Variants in SHOC1 observed in about 807,000 individuals in gnomAD.
SHOC1 encodes the protein shortage in chiasmata 1, also known as protein shortage in chiasmata 1 ortholog.
SHOC1 carries 136 observed loss-of-function variants against 179.2 expected under a neutral mutation model. The ratio of observed to expected loss-of-function variants is 0.76; its 90% CI spans 0.66 to 0.87. The LOEUF is 0.87. Among genes scored for constraint, SHOC1 ranks in the 40% least tolerant of loss-of-function variants. The pLI, the probability that SHOC1 is intolerant of heterozygous loss-of-function variation, is 0.00. For synonymous variants in SHOC1, 489 were observed against 586.6 expected, an observed-to-expected ratio of 0.83 and a Z score of 2.41; for missense variants, 1,538 against 1,700.8, an observed-to-expected ratio of 0.90 and a Z score of 1.68.
At chr9:111,703,284 A>G (rs901335540) in intron 22 of SHOC1, among the ~76,000 whole-genome samples, 4 of 152,178 alleles carry the variant, frequency 2.6e-5, no homozygotes, top group African/African-American at 9.7e-5. Context: ...ATATATAGCA[A>G]TATTTATACT....
At chr9:111,689,738 ATAT>A (rs1288715696) in intron 27 of SHOC1, among the ~76,000 whole-genome samples, 7 of 152,162 alleles carry the variant, frequency 4.6e-5, no homozygotes, top group African/African-American at 1.4e-4. Flanking sequence ...TTCTAAACTG[ATAT>A]TATTTTATAG....
At chr9:111,698,606 T>C (rs1206632532) in intron 24 of SHOC1, among the ~76,000 whole-genome samples, 1 of 152,116 alleles carries the variant, frequency 6.6e-6, no homozygotes, top group Non-Finnish European at 1.5e-5. Context: ...CCTTGTAGTA[T>C]AGTCTGAAGT....
intron 16 of SHOC1, among the ~76,000 whole-genome samples, chr9:111,715,245 G>C (rs1832731182): frequency 6.6e-6 from 1 of 152,114 alleles, no homozygotes; most frequent in Admixed American, 6.5e-5. Flanking sequence ...AATTTCACCA[G>C]AGTTACCACC....
chr9:111,765,415 T>G (rs1299812709), intron 5 of SHOC1, among the ~76,000 whole-genome samples: 1 of 151,798 alleles, frequency 6.6e-6, no homozygotes, highest in Non-Finnish European at 1.5e-5. Context: ...CTGGCCAACA[T>G]GGGGAAACCC....
At chr9:111,762,266 C>T (rs1322304614) in intron 5 of SHOC1, among the ~76,000 whole-genome samples, 3 of 147,666 alleles carry the variant, frequency 2.0e-5, no homozygotes, top group African/African-American at 7.5e-5. Flanking sequence ...CTTGTCTCTA[C>T]AAAAAAATTA....
intron 8 of SHOC1, among the ~76,000 whole-genome samples, 197 bp from the exon 9 acceptor site, chr9:111,748,396 C>T (rs994600408): frequency 5.9e-5 from 9 of 152,158 alleles, no homozygotes; most frequent in African/African-American, 2.2e-4. Context: ...CATGCACACT[C>T]CTTGTTGCCC....
chr9:111,701,673 G>A (rs993566541), intron 23 of SHOC1, among the ~76,000 whole-genome samples: 1 of 152,014 alleles, frequency 6.6e-6, no homozygotes, highest in African/African-American at 2.4e-5. Flanking sequence ...TTTCAGTTCT[G>A]GTAGAAGGGA....
intron 22 of SHOC1, among the ~76,000 whole-genome samples, chr9:111,702,981 G>A (rs890008582): frequency 3.3e-5 from 5 of 151,972 alleles, no homozygotes; most frequent in African/African-American, 9.7e-5. Flanking sequence ...GCAGTGGAGC[G>A]TGCCTGTAGT....
chr9:111,710,498 A>C (rs2131372181), intron 18 of SHOC1, among the ~76,000 whole-genome samples: 1 of 152,260 alleles, frequency 6.6e-6, no homozygotes, highest in East Asian at 1.9e-4. Context: ...TGGCACATTC[A>C]TTTGTTTAAT....
rs17343009 is a variant in SHOC1 at position 111,707,023 on chromosome 9, T to A, written c.2559-277A>T. ...AGACAGCCTGATTTTATTACCTGAG[T>A]ACTATCAATAAGAGAAATCAGCATG... On this transcript the variant is annotated intron_variant, in intron 19 of 27. Coordinates refer to ENST00000682961, the MANE Select transcript of SHOC1 (RefSeq NM_001378211.1). Among the ~76,000 whole-genome samples the A allele has an allele frequency of 0.074, 11,319 of 152,128 alleles. 615 individuals are homozygous for A. Among genetic ancestry groups the A allele is most frequent in the South Asian group, 0.2 (982 of 4,820 alleles).
intron 3 of SHOC1, 113 bp from the exon 4 acceptor site, chr9:111,781,130 G>T: frequency 2.8e-6 from 2 of 724,440 alleles, no homozygotes; most frequent in South Asian, 2.0e-5. Context: ...ATTCACAAAT[G>T]TATTTTTTCA....
At chr9:111,717,604 A>G (rs988992970) in intron 16 of SHOC1, among the ~76,000 whole-genome samples, 8 of 152,110 alleles carry the variant, frequency 5.3e-5, no homozygotes, top group African/African-American at 1.9e-4. Context: ...CAAAAAAAAA[A>G]AAAAAAAGTC....
chr9:111,733,412 C>G (rs1833678421), intron 12 of SHOC1, among the ~76,000 whole-genome samples: 1 of 152,102 alleles, frequency 6.6e-6, no homozygotes, highest in East Asian at 1.9e-4. Context: ...TTTGTAAGTC[C>G]TGGGAACTAC....
At chr9:111,728,995 A>C (rs892879170) in intron 12 of SHOC1, among the ~76,000 whole-genome samples, 1 of 152,242 alleles carries the variant, frequency 6.6e-6, no homozygotes, top group Non-Finnish European at 1.5e-5. Flanking sequence ...GTACAATAGC[A>C]TTATGTCTAA....
intron 8 of SHOC1, among the ~76,000 whole-genome samples, chr9:111,753,792 G>A (rs1300513840): frequency 6.6e-6 from 1 of 152,076 alleles, no homozygotes; most frequent in Non-Finnish European, 1.5e-5. Context: ...AAAAAATTAG[G>A]TATTGACAAA....
rs182249929 is a variant in SHOC1 at position 111,790,301 on chromosome 9, C to T, written c.45+1073G>A. Reference sequence around the variant, plus strand: ...GGCAAATTAACGGCAATTACTTTTGCACCACCCTAATATAATCCATCAGAA... The same window carrying T: ...GGCAAATTAACGGCAATTACTTTTGTACCACCCTAATATAATCCATCAGAA... On this transcript the variant is annotated intron_variant, in intron 2 of 27. Coordinates refer to ENST00000682961, the MANE Select transcript of SHOC1 (RefSeq NM_001378211.1). Among the ~76,000 whole-genome samples the T allele has an allele frequency of 2.0e-5, 3 of 152,166 alleles. No homozygotes were observed. The East Asian group carries it at 5.8e-4, about 30-fold the overall frequency.
rs1322254 is a variant in SHOC1 at position 111,691,645 on chromosome 9, G to T, written c.4332C>A (p.Asn1444Lys). 0.021 allele frequency: 34,237 copies of T among 1,613,866 alleles called. 1,203 individuals carry two copies. Among genetic ancestry groups the T allele is most frequent in the African/African-American group, 0.15 (11,149 of 74,982 alleles). The change falls in exon 27 of 28, where the codon AAC becomes AAA. Residue 1444 changes from asparagine (N) to lysine (K), a missense_variant. Coordinates refer to ENST00000682961, the MANE Select transcript of SHOC1 (RefSeq NM_001378211.1). ...SDSNANQKEF[N>K]SLYFYQRAGK... is the part of the protein sequence containing the mutation. Reference sequence around the variant, plus strand: ...CAGCTCTTTGGTAGAAATAAAGGCTGTTGAATTCTTTTTGATTTGCATTAG... The same window carrying T: ...CAGCTCTTTGGTAGAAATAAAGGCTTTTGAATTCTTTTTGATTTGCATTAG...
intron 5 of SHOC1, chr9:111,759,444 A>C: frequency 7.7e-7 from 1 of 1,298,344 alleles, no homozygotes; most frequent in Non-Finnish European, 9.8e-7. Flanking sequence ...AAGAAACACT[A>C]CTGCTAACAG....
intron 16 of SHOC1, among the ~76,000 whole-genome samples, chr9:111,715,197 A>G (rs763006941): frequency 6.6e-6 from 1 of 152,140 alleles, no homozygotes; most frequent in Non-Finnish European, 1.5e-5. Context: ...TGTCCTAATG[A>G]TTTCTATGTC....
Sources: allele counts gnomAD v4.1 joint callset (sites outside exome capture counted in the v4.1 genomes callset), GRCh38; gene constraint gnomAD v4.1.1; transcripts MANE v1.5; gene names NCBI Gene and HGNC (gene_info 2026-07-23, HGNC 2026-07-21).